The following EFCAB6 variants were observed in gnomAD, a reference collection of about 807,000 sequenced individuals.
EFCAB6 encodes the protein EF-hand calcium binding domain 6.
EFCAB6 carries 156 observed loss-of-function variants against 169.8 expected under a neutral mutation model. The ratio of observed to expected loss-of-function variants is 0.92; its 90% confidence interval spans 0.81 to 1.05. The LOEUF (loss-of-function observed/expected upper bound fraction) is 1.05. Ranked by LOEUF, EFCAB6 falls within the 50% of genes least tolerant of loss-of-function variation. The pLI, the probability that EFCAB6 is intolerant of heterozygous loss-of-function variation, is 0.00. For missense variants in EFCAB6, 1,800 were observed against 1,829.1 expected (o/e 0.98, Z 0.29); for synonymous variants, 698 against 676.4 (o/e 1.03, Z -0.50).
chr22:43,784,613 G>GTA (rs1313288006), intron 2 of EFCAB6, among the ~76,000 whole-genome samples: 4 of 75,846 alleles, frequency 5.3e-5, no homozygotes, highest in Admixed American at 2.6e-4. Flanking sequence ...ATATATATGT[G>GTA]TATATATACA....
At chr22:43,576,522 T>G (rs766467298) in intron 25 of EFCAB6, 34 bp from the exon 26 acceptor site, 1 of 1,491,166 alleles carries the variant, frequency 6.7e-7, no homozygotes, top group African/African-American at 1.4e-5. Context: ...AGATGGCAAA[T>G]CCTGTCAAAT....
chr22:43,554,706 C>G (rs1163334253), intron 27 of EFCAB6, 163 bp downstream of exon 27: 2 of 640,704 alleles, frequency 3.1e-6, no homozygotes, highest in African/African-American at 3.7e-5. Flanking sequence ...GTTACATAAA[C>G]AGAAGATTCC....
chr22:43,655,536 A>G (rs1967775878), intron 17 of EFCAB6, among the ~76,000 whole-genome samples: 1 of 149,712 alleles, frequency 6.7e-6, no homozygotes, highest in South Asian at 2.1e-4. Flanking sequence ...AAAAAAAAAA[A>G]GTTGGATAAT....
intron 6 of EFCAB6, among the ~76,000 whole-genome samples, chr22:43,749,301 G>A (rs1201164008): frequency 1.3e-5 from 2 of 152,160 alleles, no homozygotes; most frequent in Non-Finnish European, 2.9e-5. Flanking sequence ...GGACACTGGT[G>A]AGTCTGGGGC....
At position 43,703,941 on chromosome 22, in the gene EFCAB6, G is replaced by C. The variant is rs1156229266; in HGVS notation, c.1031+7534C>G. Among the ~76,000 whole-genome samples the C allele has an allele frequency of 2.6e-5, 4 of 151,996 alleles. No individual in the cohort carries two copies. The East Asian group carries it at 7.7e-4, about 29-fold the overall frequency. On this transcript the variant is annotated intron_variant, in intron 10 of 31. Transcript: ENST00000262726. Reference sequence around the variant, plus strand: ...AAGCAGAAGAAAAAAAGCCTAGAAAGCATATTTAAAGAAATAATGACTGAA... The same window carrying C: ...AAGCAGAAGAAAAAAAGCCTAGAAACCATATTTAAAGAAATAATGACTGAA...
intron 2 of EFCAB6, among the ~76,000 whole-genome samples, chr22:43,797,759 C>T (rs573674440): frequency 2.0e-5 from 3 of 152,052 alleles, no homozygotes; most frequent in Admixed American, 6.6e-5. Flanking sequence ...AGAACCAAGA[C>T]CAAAGTCCTT....
chr22:43,775,571 T>C (rs2061613873), intron 3 of EFCAB6, among the ~76,000 whole-genome samples: 2 of 152,136 alleles, frequency 1.3e-5, no homozygotes, highest in South Asian at 4.1e-4. Context: ...GCCTCCCGAG[T>C]AGCTGTGACT....
intron 8 of EFCAB6, among the ~76,000 whole-genome samples, chr22:43,719,390 C>T (rs2059445256): frequency 6.6e-6 from 1 of 152,172 alleles, no homozygotes; most frequent in Non-Finnish European, 1.5e-5. Context: ...AATCTGCTCC[C>T]CAGCATCTTT....
chr22:43,572,309 C>T lies in EFCAB6; in HGVS notation c.3420+3988G>A, dbSNP rs1224450025. 6.6e-6 allele frequency among the ~76,000 whole-genome samples: 1 copy of T among 152,202 alleles called. No homozygotes were observed. The highest frequency in any genetic ancestry group is 6.5e-5 in the Admixed American group (1 of 15,288). ...GCTTTAGGAATGTTCTCTCCTTGGTCCAGCAATTCCAGGATCAGCAGAGGC... is the reference window on the plus strand; with the variant it reads ...GCTTTAGGAATGTTCTCTCCTTGGTTCAGCAATTCCAGGATCAGCAGAGGC... On this transcript the variant is annotated intron_variant, in intron 26 of 31. Transcript: ENST00000262726. This position sits in a 1 kb window ranked among gnomAD's most constrained non-coding sequence, Gnocchi z 4.0.
chr22:43,673,380 G>A (rs1437762127), intron 13 of EFCAB6, among the ~76,000 whole-genome samples: 3 of 151,958 alleles, frequency 2.0e-5, no homozygotes, highest in Admixed American at 2.0e-4. Flanking sequence ...ATTACATAGA[G>A]TAATACAAAA....
At chr22:43,616,267 G>C (rs2053675026) in intron 20 of EFCAB6, among the ~76,000 whole-genome samples, 1 of 152,218 alleles carries the variant, frequency 6.6e-6, no homozygotes, top group Non-Finnish European at 1.5e-5. Flanking sequence ...TTTTATTTCT[G>C]AATTTGCAAG....
chr22:43,772,419 C>T (rs1015282156), intron 4 of EFCAB6, among the ~76,000 whole-genome samples: 1 of 152,132 alleles, frequency 6.6e-6, no homozygotes, highest in Admixed American at 6.5e-5. Flanking sequence ...GCAGGCAGAT[C>T]ACCTGAGGTC....
chr22:43,782,422 C>T (rs2061857351), intron 2 of EFCAB6, 97 bp from the exon 3 acceptor site: 3 of 1,062,356 alleles, frequency 2.8e-6, no homozygotes, highest in African/African-American at 1.6e-5. Context: ...GGGACAGCTG[C>T]AGAGTGTAAA....
At chr22:43,663,581 C>A (rs2148172842) in intron 17 of EFCAB6, among the ~76,000 whole-genome samples, 1 of 152,340 alleles carries the variant, frequency 6.6e-6, no homozygotes, top group Admixed American at 6.5e-5. Context: ...TTAAACCGAA[C>A]AAATCACTAG....
intron 2 of EFCAB6, among the ~76,000 whole-genome samples, chr22:43,785,909 T>A (rs1005460379): frequency 6.6e-6 from 1 of 152,190 alleles, no homozygotes; most frequent in Non-Finnish European, 1.5e-5. Context: ...ATGGAAATAT[T>A]CTTAGGAAGA....
intron 2 of EFCAB6, among the ~76,000 whole-genome samples, chr22:43,785,500 G>A (rs1360597966): frequency 2.0e-5 from 3 of 152,112 alleles, no homozygotes; most frequent in Middle Eastern, 3.2e-3. Context: ...CTTACAGGAT[G>A]CAGCTAAAAC....
chr22:43,802,662 A>G, intron 2 of EFCAB6: 1 of 502,438 alleles, frequency 2.0e-6, no homozygotes. Context: ...GAGAAGGTAC[A>G]CAAAGGGAAA....
chr22:43,739,297 G>A (rs2060281279), intron 6 of EFCAB6, among the ~76,000 whole-genome samples: 1 of 152,156 alleles, frequency 6.6e-6, no homozygotes, highest in South Asian at 2.1e-4. Context: ...CTTCTTCCTT[G>A]AGGCACTTTT....
chr22:43,611,767 C>T (rs1341194365), intron 21 of EFCAB6, among the ~76,000 whole-genome samples: 1 of 152,062 alleles, frequency 6.6e-6, no homozygotes, highest in Non-Finnish European at 1.5e-5. Flanking sequence ...CACTGCACTC[C>T]AGCCTGGGTG....
Sources: allele counts gnomAD v4.1 joint callset (sites outside exome capture counted in the v4.1 genomes callset), GRCh38; gene constraint gnomAD v4.1.1; non-coding constraint Gnocchi (gnomAD v3.1); transcripts MANE v1.5; gene names NCBI Gene and HGNC (gene_info 2026-07-23, HGNC 2026-07-21).